ANKRD45: variants seen among roughly 807,000 people sequenced by gnomAD.
ANKRD45 encodes the protein ankyrin repeat domain 45, also known as ankyrin repeat domain-containing protein 45.
A neutral mutation model predicts 28.1 loss-of-function variants in ANKRD45; 21 were observed. The observed-to-expected ratio is 0.75, with a 90% CI of 0.53 to 1.08. The LOEUF is 1.08. Among genes scored for constraint, ANKRD45 ranks in the 50% least tolerant of loss-of-function variants. The probability of loss-of-function intolerance (pLI) is 0.00; values close to 1 mark genes in which losing one functional copy is unlikely to be tolerated. For missense variants in ANKRD45, 261 were observed against 308.7 expected (o/e 0.85, Z 1.16); for synonymous variants, 86 against 103.9 (o/e 0.83, Z 1.05).
chr1:173,663,736 G>T (rs1054190336), intron 1 of ANKRD45, among the ~76,000 whole-genome samples: 1 of 152,118 alleles, frequency 6.6e-6, no homozygotes, highest in Non-Finnish European at 1.5e-5. Flanking sequence ...AGACCATGAG[G>T]TGGTTGTTCT....
the ANKRD45 span, among the ~76,000 whole-genome samples, chr1:173,692,132 C>T: frequency 6.6e-6 from 1 of 151,968 alleles, no homozygotes; most frequent in Non-Finnish European, 1.5e-5. Context: ...AGTTGCTTTA[C>T]AAGGAAGTGA....
Position 173,669,530 on chromosome 1 carries a change from C to T in ANKRD45, c.-16+287G>A, listed in dbSNP as rs1453554589. On this transcript the variant is annotated intron_variant, in intron 1 of 5. Coordinates refer to ENST00000333279, the MANE Select transcript of ANKRD45 (RefSeq NM_198493.3). ...AGGATACAGAAAGTGGCAGCGCCGCCAGGTGATCCAGGAGGTCCCGCGAGG... is the reference window on the plus strand; with the variant it reads ...AGGATACAGAAAGTGGCAGCGCCGCTAGGTGATCCAGGAGGTCCCGCGAGG... The T allele has an allele frequency of 3.5e-5, 16 of 454,968 alleles. No homozygotes were observed. In the East Asian group the frequency reaches 1.0e-3, roughly 30 times the overall value. The allele number at this position is 454,968 out of a possible 1,614,324, so 28.2% of individuals were successfully genotyped here.
chr1:173,656,151 C>T (rs1669500378), intron 2 of ANKRD45, among the ~76,000 whole-genome samples: 1 of 152,212 alleles, frequency 6.6e-6, no homozygotes, highest in Non-Finnish European at 1.5e-5. Flanking sequence ...CCAGGTACCT[C>T]AGTCGGAAAT....
chr1:173,710,361 G>A, the ANKRD45 span, among the ~76,000 whole-genome samples: 1 of 152,158 alleles, frequency 6.6e-6, no homozygotes, highest in Non-Finnish European at 1.5e-5. Context: ...AGGAGTCAAA[G>A]GAAGGAAAGT....
chr1:173,610,354 G>A, intron 5 of ANKRD45, 139 bp from the exon 6 acceptor site: 1 of 742,904 alleles, frequency 1.3e-6, no homozygotes, highest in East Asian at 2.6e-5. Context: ...CCCTAGTGTT[G>A]TTGGTATGTC....
chr1:173,707,188 T>G, the ANKRD45 span, among the ~76,000 whole-genome samples: 1 of 152,192 alleles, frequency 6.6e-6, no homozygotes, highest in Non-Finnish European at 1.5e-5. Flanking sequence ...GAACGCTTTA[T>G]GATATATTAA....
the ANKRD45 span, among the ~76,000 whole-genome samples, chr1:173,694,720 T>C: frequency 1.3e-5 from 2 of 152,086 alleles, no homozygotes; most frequent in East Asian, 1.9e-4. Context: ...CTACCCACTC[T>C]TCCCCCTTCA....
chr1:173,647,485 A>T (rs12074044), intron 2 of ANKRD45, among the ~76,000 whole-genome samples: 25,879 of 152,240 alleles, frequency 0.17, 7,330 homozygotes, highest in African/African-American at 0.59. Flanking sequence ...TGGAAATTCT[A>T]TTAATTAAAA....
intron 3 of ANKRD45, among the ~76,000 whole-genome samples, chr1:173,639,737 C>A (rs1434854617): frequency 6.6e-6 from 1 of 152,336 alleles, no homozygotes; most frequent in South Asian, 2.1e-4. Context: ...TGACTCCAAT[C>A]GTTTGCCTCA....
chr1:173,672,202 T>C (rs970691806), upstream of ANKRD45, among the ~76,000 whole-genome samples: 6 of 152,202 alleles, frequency 3.9e-5, no homozygotes, highest in African/African-American at 7.2e-5. Context: ...TAATTTTTCA[T>C]GTTCAAATAA....
the ANKRD45 span, among the ~76,000 whole-genome samples, chr1:173,705,518 T>C: frequency 3.2e-4 from 48 of 147,962 alleles, no homozygotes; most frequent in African/African-American, 1.1e-3. Flanking sequence ...AAAAAAAAAA[T>C]TAGCCAGGTG....
At chr1:173,638,831 G>C (rs1403912566) in intron 3 of ANKRD45, among the ~76,000 whole-genome samples, 2 of 152,076 alleles carry the variant, frequency 1.3e-5, no homozygotes, top group African/African-American at 4.8e-5. Context: ...CGGGTTTCTT[G>C]GCAGGAGACC....
chr1:173,683,507 T>A, the ANKRD45 span, among the ~76,000 whole-genome samples: 1 of 152,134 alleles, frequency 6.6e-6, no homozygotes, highest in African/African-American at 2.4e-5. Context: ...TTTGGGGAGA[T>A]CAGAGATTCT....
At chr1:173,633,611 A>C (rs1022799260) in intron 3 of ANKRD45, among the ~76,000 whole-genome samples, 1 of 152,140 alleles carries the variant, frequency 6.6e-6, no homozygotes, top group African/African-American at 2.4e-5. Flanking sequence ...CTACAGAGCT[A>C]TAGTAACCAA....
At chr1:173,712,082 G>T in the ANKRD45 span, among the ~76,000 whole-genome samples, 1 of 152,126 alleles carries the variant, frequency 6.6e-6, no homozygotes, top group Non-Finnish European at 1.5e-5. Context: ...CACTTTGAAG[G>T]TATCTTTTAC....
At chr1:173,702,480 A>C in the ANKRD45 span, among the ~76,000 whole-genome samples, 4 of 152,212 alleles carry the variant, frequency 2.6e-5, no homozygotes, top group African/African-American at 9.6e-5. Context: ...AAGAGGGCTA[A>C]AGGCAGAGCC....
chr1:173,629,847 G>T (rs1249752950), intron 3 of ANKRD45, among the ~76,000 whole-genome samples: 1 of 152,102 alleles, frequency 6.6e-6, no homozygotes, highest in Non-Finnish European at 1.5e-5. Flanking sequence ...TTAGCCCAAA[G>T]AAGACTACCT....
chr1:173,628,408 T>C (rs926222314), intron 3 of ANKRD45, among the ~76,000 whole-genome samples: 5 of 151,922 alleles, frequency 3.3e-5, no homozygotes, highest in African/African-American at 1.2e-4. Flanking sequence ...CCCACTGCCC[T>C]GAAGGGAGAA....
chr1:173,640,244 C>G (rs1274594491), intron 3 of ANKRD45, among the ~76,000 whole-genome samples: 2 of 152,000 alleles, frequency 1.3e-5, no homozygotes, highest in Non-Finnish European at 2.9e-5. Flanking sequence ...TCTACCTTTT[C>G]TTCTCTTAAG....
Sources: gnomAD v4.1 joint callset for allele counts (sites outside exome capture counted in the v4.1 genomes callset) on GRCh38, gnomAD v4.1.1 for gene constraint, MANE v1.5 for transcripts, NCBI Gene and HGNC (gene_info 2026-07-23, HGNC 2026-07-21) for gene names.